The following TEX11 variants were observed in gnomAD, a reference collection of about 807,000 sequenced individuals.
TEX11 encodes testis expressed 11, also known as testis-expressed protein 11.
Under a neutral mutation model 84.4 loss-of-function variants are expected in TEX11, and 7 were observed. The ratio of observed to expected loss-of-function variants is 0.08; its 90% CI spans 0.05 to 0.16. The LOEUF is 0.16. Ranked by LOEUF, TEX11 falls within the 10% of genes least tolerant of loss-of-function variation. TEX11 has a pLI of 1.00. For synonymous variants in TEX11, 264 were observed against 222.8 expected (o/e 1.18, Z -1.64); for missense variants, 551 against 660.5 (o/e 0.83, Z 1.82).
rs890071381 is a variant in TEX11 at position 70,536,561 on chromosome X, C to G, written c.2521-6562G>C. On this transcript the variant is annotated intron_variant, in intron 28 of 29. Coordinates refer to ENST00000374333, the MANE Select transcript of TEX11 (RefSeq NM_031276.3). Reference sequence around the variant, plus strand: ...GACGTAACTTTGCTTTTTAAATTGTCCCAATACCATTTTACCAATTGTTCC... The same window carrying G: ...GACGTAACTTTGCTTTTTAAATTGTGCCAATACCATTTTACCAATTGTTCC... Among the ~76,000 whole-genome samples, 19 of 110,810 alleles carry G rather than the reference C, an allele frequency of 1.7e-4. 1 individual carries two copies. Among genetic ancestry groups the G allele is most frequent in the African/African-American group, 6.3e-4 (19 of 30,039 alleles).
intron 20 of TEX11, among the ~76,000 whole-genome samples, chrX:70,622,314 T>A (rs2089404405): frequency 8.9e-6 from 1 of 112,409 alleles, no homozygotes; most frequent in South Asian, 3.7e-4. Context: ...TGCTAGAGGA[T>A]GTTCTCTGTC....
intron 25 of TEX11, among the ~76,000 whole-genome samples, chrX:70,578,803 T>C (rs2088719110): frequency 1.1e-5 from 1 of 94,322 alleles, no homozygotes; most frequent in African/African-American, 4.0e-5. Context: ...AGAGTTTTGC[T>C]CTTGTTGTCC....
intron 8 of TEX11, among the ~76,000 whole-genome samples, chrX:70,814,395 C>A (rs982822366): frequency 3.6e-5 from 4 of 112,116 alleles, no homozygotes; most frequent in African/African-American, 6.5e-5. Flanking sequence ...AACTAGATAA[C>A]CTTAAGTGAT....
chrX:70,636,143 A>G (rs969212715), intron 17 of TEX11, among the ~76,000 whole-genome samples: 6 of 109,445 alleles, frequency 5.5e-5, no homozygotes, highest in Non-Finnish European at 1.1e-4. Context: ...GCATACACAC[A>G]TCCATCCCCC....
intron 8 of TEX11, among the ~76,000 whole-genome samples, chrX:70,817,161 G>A (rs1424175509): frequency 1.9e-5 from 2 of 107,664 alleles, no homozygotes; most frequent in Admixed American, 2.0e-4. Flanking sequence ...AAATGTAATG[G>A]AAATGTATGA....
intron 20 of TEX11, among the ~76,000 whole-genome samples, chrX:70,621,022 A>T (rs1386944043): frequency 9.0e-6 from 1 of 111,325 alleles, no homozygotes; most frequent in East Asian, 2.8e-4. Context: ...CCAAACCCAT[A>T]GAATGTACAA....
the TEX11 span, among the ~76,000 whole-genome samples, chrX:70,520,144 C>T: frequency 8.9e-6 from 1 of 112,016 alleles, no homozygotes; most frequent in South Asian, 3.8e-4. Flanking sequence ...ATTCTCTGTC[C>T]AGCTTTGTTC....
chrX:70,895,431 A>C (rs911522802), intron 2 of TEX11, among the ~76,000 whole-genome samples: 1 of 112,122 alleles, frequency 8.9e-6, no homozygotes, highest in African/African-American at 3.2e-5. Flanking sequence ...AAATATCATG[A>C]AAATGGGCAT....
chrX:70,783,594 A>T (rs988111874), intron 9 of TEX11, among the ~76,000 whole-genome samples: 1 of 111,934 alleles, frequency 8.9e-6, no homozygotes, highest in Non-Finnish European at 1.9e-5. Flanking sequence ...CTAACAAAGA[A>T]GAAAAGAAAG....
rs1299142849 is a variant in TEX11 at position 70,584,742 on chromosome X, G to A, written c.2140+7009C>T. Among the ~76,000 whole-genome samples, 4 of 111,785 alleles carry A rather than the reference G, an allele frequency of 3.6e-5. No homozygotes were observed. The East Asian group carries it at 1.1e-3, about 31-fold the overall frequency. ...TCCCAAGAACGCAAGTTCAACATAA[G>A]TAAATCAATTAATGTAATATACCAC... On this transcript the variant is annotated intron_variant, in intron 25 of 29. Coordinates refer to ENST00000374333, the MANE Select transcript of TEX11 (RefSeq NM_031276.3).
chrX:70,590,716 TTTTA>T (rs1370472610), intron 25 of TEX11, among the ~76,000 whole-genome samples: 10 of 111,946 alleles, frequency 8.9e-5, no homozygotes, highest in Admixed American at 2.8e-4. Context: ...GTTTAGATTA[TTTTA>T]TTTATTTATT....
chrX:70,634,091 G>A lies in TEX11; in HGVS notation c.1484-4356C>T, dbSNP rs752697294. ...TTCTACATATCAACAATAAGCAATCGGAAACCAAATTTTTTTAAAATGCCA... is the reference window on the plus strand; with the variant it reads ...TTCTACATATCAACAATAAGCAATCAGAAACCAAATTTTTTTAAAATGCCA... On this transcript the variant is annotated intron_variant, in intron 17 of 29. Transcript: ENST00000374333. 8.1e-5 allele frequency among the ~76,000 whole-genome samples: 9 copies of A among 111,513 alleles called. No individual in the cohort carries two copies. The South Asian group carries it at 1.9e-3, about 23-fold the overall frequency.
At chrX:70,566,922 G>A (rs1468959153) in intron 25 of TEX11, among the ~76,000 whole-genome samples, 1 of 111,768 alleles carries the variant, frequency 8.9e-6, no homozygotes, top group Non-Finnish European at 1.9e-5. Flanking sequence ...GCCTCATAAA[G>A]TGAGTTAGGG....
chrX:70,554,760 C>G lies in TEX11; in HGVS notation c.2181G>C (p.Leu727=), dbSNP rs1401331768. The part of the protein sequence containing the change: ...SNDSCEKLLL[L]YEFEVRAKLN... ...ATTTGGCTCTAACTTCAAACTCGTA[C>G]AGCAGAAGCAATTTCTCACATGAAT... The change falls in exon 26 of 30, where the codon CTG becomes CTC. Residue 727 remains leucine (L), a synonymous_variant. Coordinates refer to ENST00000374333, the MANE Select transcript of TEX11 (RefSeq NM_031276.3). The G allele has an allele frequency of 3.3e-6, 4 of 1,207,522 alleles. No individual in the cohort carries two copies. The highest frequency in any genetic ancestry group is 2.2e-5 in the Admixed American group (1 of 45,269).
At chrX:70,511,725 C>A in the TEX11 span, among the ~76,000 whole-genome samples, 1 of 84,668 alleles carries the variant, frequency 1.2e-5, no homozygotes, top group Non-Finnish European at 2.2e-5. Context: ...TGCACTCCAA[C>A]CTGGGTGACA....
At chrX:70,660,033 A>G (rs2089910044) in intron 16 of TEX11, among the ~76,000 whole-genome samples, 1 of 112,394 alleles carries the variant, frequency 8.9e-6, no homozygotes, top group Admixed American at 9.4e-5. Flanking sequence ...TGTACTGAAT[A>G]CTGTAGGCAA....
At chrX:70,748,692 G>T (rs1342327448) in intron 9 of TEX11, among the ~76,000 whole-genome samples, 6 of 100,805 alleles carry the variant, frequency 6.0e-5, no homozygotes, top group African/African-American at 2.2e-4. Flanking sequence ...TTTCCCCATT[G>T]CTTGTTTTTC....
At chrX:70,881,005 C>CA (rs11284342) in intron 2 of TEX11, among the ~76,000 whole-genome samples, 2,225 of 44,569 alleles carry the variant, frequency 0.05, 9 homozygotes, top group Non-Finnish European at 0.056. Context: ...AGACATCATC[C>CA]AAAAAAAAAA....
At chrX:70,667,858 C>T (rs980714718) in intron 16 of TEX11, among the ~76,000 whole-genome samples, 13 of 109,816 alleles carry the variant, frequency 1.2e-4, no homozygotes, top group Non-Finnish European at 2.3e-4. Flanking sequence ...GCTCAGGAGG[C>T]GGAGGTTGCA....
Sources: gnomAD v4.1 joint callset for allele counts (sites outside exome capture counted in the v4.1 genomes callset) on GRCh38, gnomAD v4.1.1 for gene constraint, MANE v1.5 for transcripts, NCBI Gene and HGNC (gene_info 2026-07-23, HGNC 2026-07-21) for gene names.